TMEM255B: variants seen among roughly 807,000 people sequenced by gnomAD.
TMEM255B encodes transmembrane protein 255B, also known as family with sequence similarity 70, member B.
Under a neutral mutation model 34.5 loss-of-function variants are expected in TMEM255B, and 35 were observed. The observed-to-expected ratio is 1.01, with a 90% CI of 0.77 to 1.34. The LOEUF is 1.34. Ranked by LOEUF, TMEM255B falls within the 40% of genes most tolerant of loss-of-function variation. TMEM255B has a pLI of 0.00. For synonymous variants in TMEM255B, 206 were observed against 201.2 expected (o/e 1.02, Z -0.20); for missense variants, 432 against 433.2 (o/e 1.00, Z 0.02).
intron 1 of TMEM255B, among the ~76,000 whole-genome samples, chr13:113,764,900 C>T (rs2050363922): frequency 6.6e-6 from 1 of 152,132 alleles, no homozygotes; most frequent in African/African-American, 2.4e-5. Flanking sequence ...ATGGGGCAAC[C>T]AGGGAGAGGC....
At chr13:113,809,497 T>G (rs2051259499) in intron 8 of TMEM255B, among the ~76,000 whole-genome samples, 1 of 91,168 alleles carries the variant, frequency 1.1e-5, no homozygotes, top group Non-Finnish European at 2.2e-5. Context: ...TCCTGGGGGT[T>G]TACTCTGTGG....
intron 1 of TMEM255B, among the ~76,000 whole-genome samples, chr13:113,765,527 G>A (rs2050374714): frequency 6.6e-6 from 1 of 151,648 alleles, no homozygotes; most frequent in South Asian, 2.1e-4. Flanking sequence ...AACTCTTGGA[G>A]TAGGAAGACC....
chr13:113,760,140 C>G (rs1021051697), intron 1 of TMEM255B, among the ~76,000 whole-genome samples: 5 of 152,184 alleles, frequency 3.3e-5, no homozygotes, highest in Non-Finnish European at 7.4e-5. Context: ...CTGCCGCTCC[C>G]TCAGAAATAA....
intron 5 of TMEM255B, among the ~76,000 whole-genome samples, chr13:113,800,430 G>A (rs576040580): frequency 1.3e-5 from 2 of 151,944 alleles, no homozygotes; most frequent in African/African-American, 4.8e-5. Flanking sequence ...TCAAGCCTGG[G>A]GGGAGAGCGC....
intron 1 of TMEM255B, among the ~76,000 whole-genome samples, chr13:113,761,664 G>T (rs1400365655): frequency 6.6e-6 from 1 of 152,154 alleles, no homozygotes; most frequent in East Asian, 1.9e-4. Context: ...CCACCCTGAT[G>T]ATTAGCATAT....
At chr13:113,759,414 C>A in intron 1 of TMEM255B, 99 bp downstream of exon 1, 4 of 1,077,128 alleles carry the variant, frequency 3.7e-6, no homozygotes, top group Non-Finnish European at 4.7e-6. Flanking sequence ...GCGGAACCTG[C>A]GCGGAGACGC....
chr13:113,778,747 T>C (rs2050620909), intron 3 of TMEM255B, among the ~76,000 whole-genome samples: 1 of 152,058 alleles, frequency 6.6e-6, no homozygotes, highest in South Asian at 2.1e-4. Context: ...TCTGGGTGAG[T>C]CCGGATTTCA....
intron 3 of TMEM255B, among the ~76,000 whole-genome samples, chr13:113,784,740 A>G (rs1273384966): frequency 6.6e-6 from 1 of 152,144 alleles, no homozygotes; most frequent in Non-Finnish European, 1.5e-5. Context: ...AATTGCTCAG[A>G]AAGTAAAGTG....
chr13:113,792,635 C>CTACACCCA (rs2050850911), intron 3 of TMEM255B, among the ~76,000 whole-genome samples: 1 of 152,262 alleles, frequency 6.6e-6, no homozygotes, highest in African/African-American at 2.4e-5. Flanking sequence ...CCTCCCTCAT[C>CTACACCCA]TGTCTGTTCC....
intron 7 of TMEM255B, among the ~76,000 whole-genome samples, chr13:113,803,494 T>C (rs1202790194): frequency 2.7e-5 from 4 of 148,376 alleles, no homozygotes; most frequent in Admixed American, 2.7e-4. Flanking sequence ...GGCGGGCGGC[T>C]GAGCCAGCCT....
chr13:113,761,346 A>G, intron 1 of TMEM255B: 1 of 985,324 alleles, frequency 1.0e-6, no homozygotes, highest in Non-Finnish European at 1.2e-6. Flanking sequence ...CGTGTCTTCC[A>G]GGTAGGACCT....
chr13:113,806,146 C>G lies in TMEM255B; in HGVS notation c.813+1118C>G, dbSNP rs369421238. Among the ~76,000 whole-genome samples the G allele has an allele frequency of 1.3e-5, 2 of 152,202 alleles. No individual in the cohort carries two copies. Among genetic ancestry groups the G allele is most frequent in the Non-Finnish European group, 2.9e-5 (2 of 68,034 alleles). On this transcript the variant is annotated intron_variant, in intron 8 of 8. Coordinates refer to ENST00000375353, the MANE Select transcript of TMEM255B (RefSeq NM_182614.4). The surrounding 1 kb of genome is among the most constrained non-coding windows in gnomAD (Gnocchi z 4.2). ...CATCCGGGGGAGGCCTGTGCACACT[C>G]TGCCCTCACGTCCAGGACAGAGAGG...
intron 8 of TMEM255B, among the ~76,000 whole-genome samples, 191 bp from the exon 9 acceptor site, chr13:113,811,545 C>T: frequency 8.3e-6 from 1 of 121,146 alleles, no homozygotes; most frequent in African/African-American, 3.5e-5. Flanking sequence ...GGCCCTAGGT[C>T]TGAGGGGGCC....
Position 113,812,901 on chromosome 13 carries a change from A to AGTCACAGGCCCCGGGTGG in TMEM255B, c.*1015_*1016insGGTCACAGGCCCCGGGTG, listed in dbSNP as rs2051345616. ...CCGAGTGGGTCACAGGCCCCGGGTGAGTCACAGGCCCCGGGTGAGTCACGG... is the reference window on the plus strand; with the variant it reads ...CCGAGTGGGTCACAGGCCCCGGGTGAGTCACAGGCCCCGGGTGGGTCACAGGCCCCGGGTGAGTCACGG... On this transcript the variant is annotated 3_prime_UTR_variant, in exon 9 of 9. Coordinates refer to ENST00000375353, the MANE Select transcript of TMEM255B (RefSeq NM_182614.4). The AGTCACAGGCCCCGGGTGG allele has an allele frequency of 8.0e-5, 9 of 112,634 alleles. No homozygotes were observed. Among genetic ancestry groups the AGTCACAGGCCCCGGGTGG allele is most frequent in the African/African-American group, 3.3e-4 (8 of 24,380 alleles). The allele number at this position is 112,634 out of a possible 1,614,324, so 7.0% of individuals were successfully genotyped here.
chr13:113,768,338 A>G (rs1422337367), intron 2 of TMEM255B: 1 of 441,192 alleles, frequency 2.3e-6, no homozygotes, highest in African/African-American at 2.0e-5. Context: ...GTCACCTGCC[A>G]GGACGGGCCC....
chr13:113,792,035 C>T (rs534664097), intron 3 of TMEM255B, among the ~76,000 whole-genome samples: 12 of 152,334 alleles, frequency 7.9e-5, no homozygotes, highest in Admixed American at 1.3e-4. Flanking sequence ...GCTGGGGACG[C>T]GGCCCCGCTG....
intron 7 of TMEM255B, among the ~76,000 whole-genome samples, chr13:113,802,055 C>T (rs901823273): frequency 6.6e-6 from 1 of 152,264 alleles, no homozygotes; most frequent in Non-Finnish European, 1.5e-5. Context: ...GAGGTGGGCA[C>T]AGCCGTCCCC....
At chr13:113,762,820 C>T (rs1464605108) in intron 1 of TMEM255B, among the ~76,000 whole-genome samples, 2 of 152,042 alleles carry the variant, frequency 1.3e-5, no homozygotes, top group Non-Finnish European at 2.9e-5. Flanking sequence ...ACCTGTGGGT[C>T]GAAGCAGACG....
chr13:113,804,929 G>C lies in TMEM255B; in HGVS notation c.714G>C (p.Gln238His), dbSNP rs755737144. The C allele has an allele frequency of 1.2e-6, 2 of 1,604,910 alleles. No individual in the cohort carries two copies. The highest frequency in any genetic ancestry group is 1.7e-6 in the Non-Finnish European group (2 of 1,179,662). The change falls in exon 8 of 9, where the codon CAG (glutamine) becomes CAC (histidine). Residue 238 changes from glutamine (Q) to histidine (H), a missense_variant. Coordinates refer to ENST00000375353, the MANE Select transcript of TMEM255B (RefSeq NM_182614.4). ...QLAYGPAVPP[Q>H]TLYNPAQQIL... ...CCTATGGCCCAGCCGTCCCACCACA[G>C]ACCCTCTACAACCCCGCCCAGCAGA... is the stretch of plus-strand genomic sequence containing the variant.
Sources: gnomAD v4.1 joint callset for allele counts (sites outside exome capture counted in the v4.1 genomes callset) on GRCh38, gnomAD v4.1.1 for gene constraint, Gnocchi (gnomAD v3.1) non-coding constraint, MANE v1.5 for transcripts, NCBI Gene and HGNC (gene_info 2026-07-23, HGNC 2026-07-21) for gene names.